The following PAGE1 variants were observed in gnomAD, a reference collection of about 807,000 sequenced individuals.
PAGE1 encodes PAGE family member 1, also known as P antigen family member 1.
Under a neutral mutation model 11.5 loss-of-function variants are expected in PAGE1, and 6 were observed. That is an observed-to-expected ratio of 0.52 (90% CI 0.29 to 1.03). The LOEUF is 1.03. Among genes scored for constraint, PAGE1 ranks in the 50% least tolerant of loss-of-function variants. The probability of loss-of-function intolerance (pLI) is 0.09; values close to 1 mark genes in which losing one functional copy is unlikely to be tolerated. For synonymous variants in PAGE1, 42 were observed against 40.2 expected (o/e 1.05, Z -0.17); for missense variants, 120 against 110.2 (o/e 1.09, Z -0.40).
chrX:49,694,539 G>A (rs185729401), intron 2 of PAGE1, among the ~76,000 whole-genome samples, 169 bp downstream of exon 2: 1 of 110,997 alleles, frequency 9.0e-6, no homozygotes, highest in Non-Finnish European at 1.9e-5. Flanking sequence ...AAATCCTCCT[G>A]AATCAATATT....
rs1402151924 is a variant in PAGE1, at chrX:49,690,056, TGTGTATATAC to T, written c.293-523_293-514del. ...ATATATGTGTATATATGTGTATATA[TGTGTATATAC>T]ACACATATATATGTGTATATATGTG... On this transcript the variant is annotated intron_variant, in intron 4 of 5. Transcript: ENST00000376150. Among the ~76,000 whole-genome samples, 15 of 68,720 alleles carry T rather than the reference TGTGTATATAC, an allele frequency of 2.2e-4. 1 individual carries two copies. Among genetic ancestry groups the T allele is most frequent in the African/African-American group, 8.3e-4 (14 of 16,856 alleles). The allele number at this position is 68,720 out of a possible 115,157, so 59.7% of individuals were successfully genotyped here.
chrX:49,692,464 C>T (rs1311595877), intron 3 of PAGE1, among the ~76,000 whole-genome samples: 1 of 111,265 alleles, frequency 9.0e-6, no homozygotes, highest in African/African-American at 3.3e-5. Context: ...GACATGAAAA[C>T]AATGGAGCAG....
chrX:49,690,685 C>T (rs782593717), intron 4 of PAGE1, among the ~76,000 whole-genome samples: 11 of 111,000 alleles, frequency 9.9e-5, no homozygotes, highest in South Asian at 3.8e-4. Context: ...ACATGTAAGA[C>T]GTGATCTTGA....
At chrX:49,690,689 A>C (rs1295162813) in intron 4 of PAGE1, among the ~76,000 whole-genome samples, 2 of 111,155 alleles carry the variant, frequency 1.8e-5, no homozygotes, top group Non-Finnish European at 3.8e-5. Context: ...GTAAGACGTG[A>C]TCTTGAACTG....
chrX:49,687,555 GC>G lies in PAGE1; in HGVS notation c.426del (p.Gln143AsnfsTer21), dbSNP rs1569533355. The G allele has an allele frequency of 2.5e-6, 3 of 1,204,161 alleles. No homozygotes were observed. Among genetic ancestry groups the G allele is most frequent in the Non-Finnish European group, 3.4e-6 (3 of 890,867 alleles). On this transcript the variant is annotated frameshift_variant, in exon 6 of 6. Transcript: ENST00000376150. LOFTEE classifies it high-confidence loss of function. The part of the protein sequence containing the change: ...EEVKTPEEDE[G>X]QSQP The stretch of plus-strand genomic sequence containing the variant: ...CGTGTCTTCTTTTAAGGCTGTGATT[GC>G]CCTTCATCTGTAACAGAAACATAAC...
chrX:49,693,830 T>C lies in PAGE1; in HGVS notation c.166+269A>G, dbSNP rs141286620. On this transcript the variant is annotated intron_variant, in intron 3 of 5. Transcript: ENST00000376150. ...ACAAATTTTGTATTCACCAGTCAAG[T>C]GTTCTTGGACAAAACACAATCCCCG... 6.6e-3 allele frequency among the ~76,000 whole-genome samples: 740 copies of C among 111,484 alleles called. 8 individuals carry two copies. Among genetic ancestry groups the C allele is most frequent in the East Asian group, 0.063 (225 of 3,545 alleles).
chrX:49,689,306 A>T, intron 5 of PAGE1, 112 bp downstream of exon 5: 1 of 767,310 alleles, frequency 1.3e-6, no homozygotes, highest in Non-Finnish European at 1.6e-6. Context: ...GCACCACTGC[A>T]CTCCAGCCTG....
chrX:49,689,704 ATGTG>A (rs2066902969), intron 4 of PAGE1, among the ~76,000 whole-genome samples, 161 bp from the exon 5 acceptor site: 1 of 58,451 alleles, frequency 1.7e-5, no homozygotes, highest in East Asian at 6.0e-4. Context: ...ACACATATAT[ATGTG>A]TATATATGTA....
intron 4 of PAGE1, among the ~76,000 whole-genome samples, chrX:49,689,744 G>GTATA (rs199757078): frequency 1.8e-4 from 10 of 54,065 alleles, no homozygotes; most frequent in Admixed American, 2.4e-4. Context: ...ACACATATAT[G>GTATA]TATATGTGTA....
chrX:49,690,998 C>A (rs2066918236), intron 4 of PAGE1, among the ~76,000 whole-genome samples: 1 of 111,145 alleles, frequency 9.0e-6, no homozygotes, highest in South Asian at 3.8e-4. Context: ...TGCAACATGA[C>A]AAAACCCCGT....
intron 3 of PAGE1, among the ~76,000 whole-genome samples, chrX:49,693,392 C>T (rs1235246170): frequency 8.1e-5 from 9 of 111,784 alleles, no homozygotes; most frequent in African/African-American, 1.3e-4. Context: ...TAATCCATGA[C>T]CTGAGTTAGA....
At chrX:49,694,308 T>G in intron 2 of PAGE1, 107 bp from the exon 3 acceptor site, 1 of 452,714 alleles carries the variant, frequency 2.2e-6, no homozygotes, top group Non-Finnish European at 3.9e-6. Flanking sequence ...TAGATGTTTC[T>G]GATCATAACT....
chrX:49,693,971 C>T (rs2066930173), intron 3 of PAGE1, 128 bp downstream of exon 3: 1 of 382,429 alleles, frequency 2.6e-6, no homozygotes. Context: ...TTCTAGGCAT[C>T]GTTTGCATGG....
At chrX:49,689,735 C>CATAT (rs2066903628) in intron 4 of PAGE1, among the ~76,000 whole-genome samples, 192 bp from the exon 5 acceptor site, 1 of 57,531 alleles carries the variant, frequency 1.7e-5, no homozygotes. Context: ...TATATATACA[C>CATAT]ACATATATGT....
At position 49,691,255 on chromosome X, in the gene PAGE1, C is replaced by T. The variant is rs148071911; in HGVS notation, c.286G>A (p.Ala96Thr). The change falls in exon 4 of 6, where the codon GCA becomes ACA. Residue 96 changes from alanine to threonine, a missense_variant. Ala to Thr is a moderately conservative substitution (Grantham distance 58). Transcript: ENST00000376150. ...TGCTTAATGGACTACCTACCTTCTG[C>T]GGGCAGTTTCATCTGCTCTTCATTT... ...LRNEEQMKLP[A>T]EGPEPEADSQ... 25 of 1,207,577 alleles carry T rather than the reference C, an allele frequency of 2.1e-5. No individual in the cohort carries two copies. The highest frequency in any genetic ancestry group is 8.9e-5 in the East Asian group (3 of 33,731).
intron 1 of PAGE1, 56 bp from the exon 2 acceptor site, chrX:49,694,834 A>C: frequency 1.6e-6 from 1 of 615,867 alleles, no homozygotes. Context: ...GCTATATTCG[A>C]TCACTTCCAT....
rs1557141449 is a variant in PAGE1, at chrX:49,689,498, G to A, written c.338C>T (p.Thr113Ile). The A allele has an allele frequency of 7.4e-6, 7 of 942,328 alleles. No individual in the cohort carries two copies. Among genetic ancestry groups the A allele is most frequent in the Middle Eastern group, 3.1e-4 (1 of 3,213 alleles). The allele number at this position is 942,328 out of a possible 1,213,427, so 77.7% of individuals were successfully genotyped here. A position where few individuals can be genotyped will look rare whatever the true frequency, so the allele number is the denominator to read the frequency against. ...AGGACCATCTCCGCGCTCACACCCAGTCTTCGGGTGAACCTGTTCCTGGCT... is the reference window on the plus strand; with the variant it reads ...AGGACCATCTCCGCGCTCACACCCAATCTTCGGGTGAACCTGTTCCTGGCT... The part of the protein sequence containing the change: ...ADSQEQVHPK[T>I]GCERGDGPDV... Residue 113 changes from threonine (T) to isoleucine (I), a missense_variant, in exon 5 of 6, where the codon ACT becomes ATT. Coordinates refer to ENST00000376150, the MANE Select transcript of PAGE1 (RefSeq NM_003785.4).
At chrX:49,692,636 T>TC (rs202099126) in intron 3 of PAGE1, among the ~76,000 whole-genome samples, 2 of 110,052 alleles carry the variant, frequency 1.8e-5, no homozygotes, top group Non-Finnish European at 3.8e-5. Flanking sequence ...AGTTTTTTTT[T>TC]AATTGTGTTA....
Position 49,694,916 on chromosome X carries a change from T to C in PAGE1, c.-8-138A>G, listed in dbSNP as rs903650259. 8 of 406,555 alleles carry C rather than the reference T, an allele frequency of 2.0e-5. No individual in the cohort carries two copies. In the East Asian group the frequency reaches 3.3e-4, roughly 17 times the overall value. 33.5% of individuals were successfully genotyped at this position (406,555 alleles called of 1,213,427 possible). A position where few individuals can be genotyped will look rare whatever the true frequency, so the allele number is the denominator to read the frequency against. On this transcript the variant is annotated intron_variant, in intron 1 of 5. Transcript: ENST00000376150. ...TAAGTCCCAGAGTTAAGTGCAAGTG[T>C]GTACGTTTTCTGAGTGCTTGCAAAG...
Sources: allele counts gnomAD v4.1 joint callset (sites outside exome capture counted in the v4.1 genomes callset), GRCh38; gene constraint gnomAD v4.1.1; transcripts MANE v1.5; gene names NCBI Gene and HGNC (gene_info 2026-07-23, HGNC 2026-07-21).